FSTL5: variants seen among roughly 807,000 people sequenced by gnomAD.
FSTL5 encodes the protein follistatin-related protein 5.
In FSTL5, 62 loss-of-function variants were observed where a neutral mutation model predicts 89.1. That is an observed-to-expected ratio of 0.70 (90% CI 0.57 to 0.86). FSTL5 has a LOEUF of 0.86. FSTL5 is among the 40% of genes least tolerant of loss of function. FSTL5 has a pLI of 0.00. For missense variants in FSTL5, 1,057 were observed against 1,001.6 expected (o/e 1.06, Z -0.75); for synonymous variants, 383 against 346.2 (o/e 1.11, Z -1.18).
chr4:162,037,130 A>G (rs1297138519), intron 2 of FSTL5, among the ~76,000 whole-genome samples: 1 of 151,860 alleles, frequency 6.6e-6, no homozygotes, highest in Non-Finnish European at 1.5e-5. Flanking sequence ...TGAGAGGATT[A>G]GGATAAAAAG....
chr4:161,934,121 A>T (rs1430081136), intron 3 of FSTL5, among the ~76,000 whole-genome samples: 3 of 152,068 alleles, frequency 2.0e-5, no homozygotes, highest in Non-Finnish European at 4.4e-5. Context: ...ACTAGCTCCA[A>T]ATAGTTACTT....
intron 12 of FSTL5, among the ~76,000 whole-genome samples, chr4:161,496,864 G>A (rs1453965756): frequency 1.4e-5 from 2 of 143,108 alleles, no homozygotes; most frequent in Non-Finnish European, 3.1e-5. Context: ...AGAGGGAAAC[G>A]TGGCGACAGA....
chr4:161,757,595 T>C (rs1740621562), intron 6 of FSTL5, among the ~76,000 whole-genome samples: 1 of 152,096 alleles, frequency 6.6e-6, no homozygotes, highest in South Asian at 2.1e-4. Context: ...TCATATAAAG[T>C]AGAATAATAA....
intron 3 of FSTL5, among the ~76,000 whole-genome samples, chr4:161,929,962 C>A (rs1030238457): frequency 1.3e-5 from 2 of 151,642 alleles, no homozygotes; most frequent in Non-Finnish European, 1.5e-5. Context: ...TTTTACTCCA[C>A]ATTTTCTTCA....
intron 1 of FSTL5, among the ~76,000 whole-genome samples, chr4:162,137,087 T>C (rs1732549345): frequency 6.6e-6 from 1 of 152,012 alleles, no homozygotes; most frequent in African/African-American, 2.4e-5. Context: ...AGAATACATG[T>C]TTAAAATATA....
chr4:161,961,558 C>T (rs1021554721), intron 3 of FSTL5, among the ~76,000 whole-genome samples: 3 of 150,272 alleles, frequency 2.0e-5, no homozygotes, highest in African/African-American at 7.3e-5. Context: ...CATATATATG[C>T]ATAGATATAT....
chr4:161,659,968 A>G (rs1361311160), intron 6 of FSTL5, among the ~76,000 whole-genome samples: 12 of 152,146 alleles, frequency 7.9e-5, no homozygotes, highest in Non-Finnish European at 1.8e-4. Context: ...CTCAACATGT[A>G]TCATGTGTCC....
At chr4:162,059,232 T>C (rs1247486795) in intron 2 of FSTL5, among the ~76,000 whole-genome samples, 1 of 152,134 alleles carries the variant, frequency 6.6e-6, no homozygotes, top group Non-Finnish European at 1.5e-5. Context: ...TTTGATACAA[T>C]ACAAGAGAAA....
At chr4:161,464,901 A>G (rs1178094891) in intron 13 of FSTL5, among the ~76,000 whole-genome samples, 1 of 152,118 alleles carries the variant, frequency 6.6e-6, no homozygotes, top group African/African-American at 2.4e-5. Context: ...TGGCTCTTTT[A>G]ATGAGGTATT....
At chr4:161,609,580 T>C (rs1734570267) in intron 7 of FSTL5, among the ~76,000 whole-genome samples, 1 of 152,286 alleles carries the variant, frequency 6.6e-6, no homozygotes. Context: ...ATTTTCCAGA[T>C]TAAATCAGTT....
intron 13 of FSTL5, among the ~76,000 whole-genome samples, chr4:161,473,126 A>G (rs1282944631): frequency 6.6e-6 from 1 of 152,050 alleles, no homozygotes; most frequent in Non-Finnish European, 1.5e-5. Context: ...TATATATGCT[A>G]TTGTCATTGG....
chr4:162,081,406 G>A lies in FSTL5; in HGVS notation c.126+29865C>T, dbSNP rs113434916. Among the ~76,000 whole-genome samples, 312 of 151,630 alleles carry A rather than the reference G, an allele frequency of 2.1e-3. 2 individuals carry two copies. The highest frequency in any genetic ancestry group is 7.1e-3 in the African/African-American group (296 of 41,466). On this transcript the variant is annotated intron_variant, in intron 2 of 15. Coordinates refer to ENST00000306100, the MANE Select transcript of FSTL5 (RefSeq NM_020116.5). Reference sequence around the variant, plus strand: ...TTAATTCTCATTTATTTCTGGCCTGGCACTTCGTTACTCAAAGGCCAGTTT... The same window carrying A: ...TTAATTCTCATTTATTTCTGGCCTGACACTTCGTTACTCAAAGGCCAGTTT...
chr4:161,509,172 C>T (rs1196782279), intron 11 of FSTL5, among the ~76,000 whole-genome samples: 1 of 151,876 alleles, frequency 6.6e-6, no homozygotes, highest in East Asian at 1.9e-4. Flanking sequence ...GCGTGGTGGC[C>T]CGCTCCTGTA....
At chr4:162,010,266 G>C (rs1017197129) in intron 3 of FSTL5, among the ~76,000 whole-genome samples, 5 of 151,936 alleles carry the variant, frequency 3.3e-5, no homozygotes, top group Non-Finnish European at 4.4e-5. Flanking sequence ...ACTCTGAGAT[G>C]ATAAAATTTT....
intron 4 of FSTL5, among the ~76,000 whole-genome samples, chr4:161,800,952 G>T (rs1044184102): frequency 5.3e-5 from 8 of 151,562 alleles, no homozygotes; most frequent in African/African-American, 1.7e-4. Context: ...TATGTGGATA[G>T]ATTAATATCT....
chr4:161,450,360 A>G (rs1733118279), intron 15 of FSTL5, among the ~76,000 whole-genome samples: 1 of 152,124 alleles, frequency 6.6e-6, no homozygotes, highest in Admixed American at 6.5e-5. Context: ...TCTCTTCACA[A>G]TGGCAGCAAA....
At chr4:161,863,185 G>A (rs944608022) in intron 4 of FSTL5, among the ~76,000 whole-genome samples, 1 of 152,160 alleles carries the variant, frequency 6.6e-6, no homozygotes, top group African/African-American at 2.4e-5. Flanking sequence ...CAAGTGTAGT[G>A]TTAGGAAATT....
intron 4 of FSTL5, among the ~76,000 whole-genome samples, chr4:161,886,763 G>A (rs982149245): frequency 3.9e-5 from 6 of 152,054 alleles, no homozygotes; most frequent in African/African-American, 1.4e-4. Context: ...TTCTAGTGTT[G>A]TATTCCTAAT....
chr4:161,455,843 A>G (rs1733335106), intron 14 of FSTL5, among the ~76,000 whole-genome samples: 1 of 152,120 alleles, frequency 6.6e-6, no homozygotes, highest in African/African-American at 2.4e-5. Flanking sequence ...AGCCTTCTAA[A>G]GGGCCTTTTT....
Sources: allele counts gnomAD v4.1 joint callset (sites outside exome capture counted in the v4.1 genomes callset), GRCh38; gene constraint gnomAD v4.1.1; transcripts MANE v1.5; gene names NCBI Gene and HGNC (gene_info 2026-07-23, HGNC 2026-07-21).